DGKB: variants seen among roughly 807,000 people sequenced by gnomAD.
DGKB encodes the protein 90 kDa diacylglycerol kinase.
Under a neutral mutation model 114.3 loss-of-function variants are expected in DGKB, and 67 were observed. That is an observed-to-expected ratio of 0.59 (90% CI 0.48 to 0.72). The LOEUF is 0.72. DGKB is among the 30% of genes least tolerant of loss of function. The pLI is 0.00. For synonymous variants in DGKB, 398 were observed against 323.1 expected (o/e 1.23, Z -2.49); for missense variants, 907 against 975.2 (o/e 0.93, Z 0.93).
intron 1 of DGKB, among the ~76,000 whole-genome samples, chr7:14,973,165 C>T (rs1386950263): frequency 1.3e-5 from 2 of 151,886 alleles, no homozygotes; most frequent in East Asian, 1.9e-4. Flanking sequence ...GTCTGAAATC[C>T]TCCCGTCTTG....
chr7:14,407,330 A>C (rs1479091798), intron 21 of DGKB, among the ~76,000 whole-genome samples: 1 of 152,112 alleles, frequency 6.6e-6, no homozygotes, highest in African/African-American at 2.4e-5. Context: ...CAACCTCAAA[A>C]ATCCTATCGG....
chr7:14,788,307 G>A (rs1169086943), intron 2 of DGKB, among the ~76,000 whole-genome samples: 2 of 152,174 alleles, frequency 1.3e-5, no homozygotes, highest in African/African-American at 4.8e-5. Flanking sequence ...AGATCTGAAA[G>A]CTTCCACCAC....
intron 9 of DGKB, 137 bp downstream of exon 9, chr7:14,693,938 G>C: frequency 2.2e-6 from 2 of 893,980 alleles, no homozygotes; most frequent in East Asian, 5.4e-5. Context: ...TTGCACCGTG[G>C]CATACTTATT....
chr7:14,819,672 T>C (rs1467197950), intron 2 of DGKB, among the ~76,000 whole-genome samples: 1 of 152,146 alleles, frequency 6.6e-6, no homozygotes, highest in Admixed American at 6.5e-5. Flanking sequence ...TTACCCACAT[T>C]TTACGAATGA....
chr7:14,417,489 T>C (rs1327838483), intron 21 of DGKB, among the ~76,000 whole-genome samples: 1 of 152,018 alleles, frequency 6.6e-6, no homozygotes, highest in Non-Finnish European at 1.5e-5. Context: ...GAGATATACT[T>C]TATGAATAAT....
intron 2 of DGKB, among the ~76,000 whole-genome samples, chr7:14,768,533 T>C (rs1188242366): frequency 6.8e-6 from 1 of 146,510 alleles, no homozygotes; most frequent in Non-Finnish European, 1.5e-5. Flanking sequence ...AGAGATAATT[T>C]TCTAGCACAT....
chr7:14,612,176 T>TTTTATTTTATTTTATTTTATTTTAA (rs1805673388), intron 16 of DGKB, among the ~76,000 whole-genome samples: 1 of 151,442 alleles, frequency 6.6e-6, no homozygotes, highest in African/African-American at 2.4e-5. Context: ...TTTTATTTTA[T>TTTTATTTTATTTTATTTTATTTTAA]TTTATTTTAT....
At chr7:14,418,613 C>T (rs1826166286) in intron 21 of DGKB, among the ~76,000 whole-genome samples, 1 of 151,704 alleles carries the variant, frequency 6.6e-6, no homozygotes. Context: ...TTTTAACAGG[C>T]TATCATTCTG....
chr7:14,684,332 T>C (rs1041295649), intron 10 of DGKB, among the ~76,000 whole-genome samples: 1 of 152,046 alleles, frequency 6.6e-6, no homozygotes, highest in Admixed American at 6.6e-5. Context: ...AGTAAGAAAT[T>C]AGATTTAATG....
intron 21 of DGKB, among the ~76,000 whole-genome samples, chr7:14,454,699 C>T (rs1832024555): frequency 6.6e-6 from 1 of 152,032 alleles, no homozygotes. Flanking sequence ...ATTTCTGACA[C>T]ATCTTTGTAA....
intron 17 of DGKB, among the ~76,000 whole-genome samples, chr7:14,590,162 AT>A (rs201656494): frequency 0.62 from 90,457 of 145,084 alleles, 27,479 homozygotes; most frequent in African/African-American, 0.66. Flanking sequence ...AAGTATAATA[AT>A]AAAAAAAAAA....
intron 17 of DGKB, among the ~76,000 whole-genome samples, chr7:14,605,319 A>T (rs1804278575): frequency 6.7e-6 from 1 of 150,220 alleles, no homozygotes; most frequent in Non-Finnish European, 1.5e-5. Flanking sequence ...TCTGTTACGT[A>T]AAAAACTATC....
intron 23 of DGKB, among the ~76,000 whole-genome samples, chr7:14,302,573 G>T (rs1237794384): frequency 6.6e-6 from 1 of 151,954 alleles, no homozygotes; most frequent in Non-Finnish European, 1.5e-5. Context: ...TGTTCAAAAG[G>T]ACAAAAATCT....
chr7:14,494,012 G>A (rs1438723291), intron 20 of DGKB, among the ~76,000 whole-genome samples: 1 of 150,988 alleles, frequency 6.6e-6, no homozygotes, highest in Non-Finnish European at 1.5e-5. Flanking sequence ...TTAATCATAT[G>A]CCATATCCAA....
intron 12 of DGKB, among the ~76,000 whole-genome samples, chr7:14,679,255 G>C (rs1585591632): frequency 6.6e-6 from 1 of 151,966 alleles, no homozygotes; most frequent in Non-Finnish European, 1.5e-5. Flanking sequence ...AAATATAATT[G>C]TTACTTACTA....
intron 23 of DGKB, among the ~76,000 whole-genome samples, chr7:14,292,847 G>C (rs940539489): frequency 6.6e-6 from 1 of 152,138 alleles, no homozygotes; most frequent in Non-Finnish European, 1.5e-5. Flanking sequence ...ATTAAAGAAA[G>C]AACAAGACAA....
intron 23 of DGKB, among the ~76,000 whole-genome samples, chr7:14,206,014 ATAAT>A (rs1185778219): frequency 6.6e-6 from 1 of 152,044 alleles, no homozygotes; most frequent in Non-Finnish European, 1.5e-5. Flanking sequence ...CAACTAGTTG[ATAAT>A]TAATTTAATA....
intron 21 of DGKB, among the ~76,000 whole-genome samples, chr7:14,418,957 A>T (rs1826230908): frequency 6.6e-6 from 1 of 151,914 alleles, no homozygotes; most frequent in South Asian, 2.1e-4. Context: ...ATTTATAAAC[A>T]TTCACAATAT....
At chr7:14,434,929 G>C (rs76334269) in intron 21 of DGKB, among the ~76,000 whole-genome samples, 514 of 152,158 alleles carry the variant, frequency 3.4e-3, no homozygotes, top group African/African-American at 0.011. Flanking sequence ...CACTAAGCTT[G>C]TTTTGCCAGT....
Sources: gnomAD v4.1 joint callset for allele counts (sites outside exome capture counted in the v4.1 genomes callset) on GRCh38, gnomAD v4.1.1 for gene constraint, MANE v1.5 for transcripts, NCBI Gene and HGNC (gene_info 2026-07-23, HGNC 2026-07-21) for gene names.